The following PTPRT variants were observed in gnomAD, a reference collection of about 807,000 sequenced individuals.
The protein encoded by PTPRT is receptor-type tyrosine-protein phosphatase T.
PTPRT carries 56 observed loss-of-function variants against 176.8 expected under a neutral mutation model. The observed-to-expected ratio is 0.32, with a 90% confidence interval of 0.26 to 0.40. The LOEUF (loss-of-function observed/expected upper bound fraction) is 0.40. Among genes scored for constraint, PTPRT ranks in the 10% least tolerant of loss-of-function variants. PTPRT has a pLI of 1.00. For missense variants in PTPRT, 1,540 were observed against 1,908.2 expected, an observed-to-expected ratio of 0.81 and a Z score of 3.60; for synonymous variants, 783 against 739.0, an observed-to-expected ratio of 1.06 and a Z score of -0.96.
At chr20:42,680,461 C>G (rs2075583680) in intron 6 of PTPRT, among the ~76,000 whole-genome samples, 1 of 152,164 alleles carries the variant, frequency 6.6e-6, no homozygotes, top group South Asian at 2.1e-4. Flanking sequence ...CAGATAATTT[C>G]TAAGCTCATC....
intron 7 of PTPRT, among the ~76,000 whole-genome samples, chr20:42,523,859 G>A (rs1255536803): frequency 6.6e-6 from 1 of 151,974 alleles, no homozygotes; most frequent in Non-Finnish European, 1.5e-5. Context: ...AGTGACATGT[G>A]CCTACAGTTC....
At chr20:42,288,999 C>CAAAGATGAAA (rs1453738629) in intron 12 of PTPRT, among the ~76,000 whole-genome samples, 1 of 151,640 alleles carries the variant, frequency 6.6e-6, no homozygotes, top group Non-Finnish European at 1.5e-5. Flanking sequence ...TGATCTTCAA[C>CAAAGATGAAA]AAAGATGAAA....
At chr20:42,053,156 T>C in the PTPRT span, among the ~76,000 whole-genome samples, 2 of 152,184 alleles carry the variant, frequency 1.3e-5, no homozygotes, top group Non-Finnish European at 2.9e-5. Flanking sequence ...TTGGCTGTAA[T>C]TGTTTATTGA....
At chr20:42,316,795 C>A (rs2145380082) in intron 11 of PTPRT, among the ~76,000 whole-genome samples, 1 of 152,280 alleles carries the variant, frequency 6.6e-6, no homozygotes, top group South Asian at 2.1e-4. Context: ...TGCATCCTGG[C>A]CACCTCTGGT....
rs144807025 is a variant in PTPRT, at chr20:42,706,323, C to T, written c.860-28164G>A. Among the ~76,000 whole-genome samples the T allele has an allele frequency of 1.2e-4, 18 of 151,962 alleles. No individual in the cohort carries two copies. The East Asian group carries it at 3.1e-3, about 26-fold the overall frequency. On this transcript the variant is annotated intron_variant, in intron 6 of 30. Transcript: ENST00000373187. ...AATGCTGGACTTCCCACCATAGCTT[C>T]TGTTTGTTGTTAATCTCTGAATTGG...
At chr20:42,097,405 C>T (rs567540083) in intron 27 of PTPRT, among the ~76,000 whole-genome samples, 2 of 152,330 alleles carry the variant, frequency 1.3e-5, no homozygotes, top group South Asian at 2.1e-4. Flanking sequence ...AATGCCTTTT[C>T]CCAGTGAGTT....
chr20:42,104,851 A>G (rs946932402), intron 24 of PTPRT, 133 bp from the exon 25 acceptor site: 2 of 1,020,040 alleles, frequency 2.0e-6, no homozygotes, highest in Non-Finnish European at 2.7e-6. Flanking sequence ...CTTACTTTTT[A>G]TACTGTAACC....
In PTPRT at chr20:42,472,364, C is replaced by T. The variant is rs764219594; in HGVS notation, c.1352G>A (p.Gly451Asp). The T allele has an allele frequency of 3.1e-6, 5 of 1,614,198 alleles. No individual in the cohort carries two copies. Among genetic ancestry groups the T allele is most frequent in the Non-Finnish European group, 4.2e-6 (5 of 1,180,030 alleles). ...IQTSSHYTLR[G>D]LRPFMTIRLR... ...CCGGATGGTCATGAAGGGGCGCAGG[C>T]CTCGCAGGGTGTAGTGGGAGGAGGT... Residue 451 changes from glycine to aspartate, a missense_variant, in exon 8 of 31, where the codon GGC (glycine) becomes GAC (aspartate). Around this residue, in one of 11 missense-constraint regions of PTPRT, gnomAD observed 79 missense variants for 80.0 expected, o/e 0.99. Transcript: ENST00000373187.
At chr20:43,036,102 T>A (rs1986367496) in intron 1 of PTPRT, among the ~76,000 whole-genome samples, 1 of 152,234 alleles carries the variant, frequency 6.6e-6, no homozygotes, top group Non-Finnish European at 1.5e-5. Context: ...TCTTGAATGC[T>A]TCCTTCAGAG....
At position 42,539,539 on chromosome 20, in the gene PTPRT, C is replaced by G. The variant is rs191689936; in HGVS notation, c.1154-66977G>C. ...TTGTCTTAGTCTAGGTTTCACATTT[C>G]TCATCAGACACAGATACCTGGAGAA... On this transcript the variant is annotated intron_variant, in intron 7 of 30. Transcript: ENST00000373187. Among the ~76,000 whole-genome samples, 57 of 151,600 alleles carry G rather than the reference C, an allele frequency of 3.8e-4. No individual in the cohort carries two copies. The East Asian group carries it at 6.8e-3, about 18-fold the overall frequency.
At chr20:42,984,178 G>A (rs1294248528) in intron 1 of PTPRT, among the ~76,000 whole-genome samples, 1 of 152,230 alleles carries the variant, frequency 6.6e-6, no homozygotes, top group African/African-American at 2.4e-5. Context: ...GAATGCACAT[G>A]TATGTACAAA....
intron 1 of PTPRT, among the ~76,000 whole-genome samples, chr20:43,182,192 G>A (rs1327425432): frequency 6.6e-6 from 1 of 152,146 alleles, no homozygotes; most frequent in African/African-American, 2.4e-5. Flanking sequence ...GTGGTCTTGT[G>A]TCTGCTCCTA....
intron 1 of PTPRT, among the ~76,000 whole-genome samples, chr20:43,133,986 T>C (rs2013735978): frequency 6.6e-6 from 1 of 152,060 alleles, no homozygotes; most frequent in Admixed American, 6.6e-5. Flanking sequence ...AAAAGACTGA[T>C]GTTGAAATTT....
intron 1 of PTPRT, among the ~76,000 whole-genome samples, chr20:42,936,328 A>G (rs1400851274): frequency 6.6e-6 from 1 of 152,228 alleles, no homozygotes; most frequent in Non-Finnish European, 1.5e-5. Context: ...CTGGGGGAAG[A>G]GCATTTAGAC....
intron 7 of PTPRT, among the ~76,000 whole-genome samples, chr20:42,578,561 G>A (rs1442171440): frequency 6.6e-6 from 1 of 152,072 alleles, no homozygotes; most frequent in African/African-American, 2.4e-5. Flanking sequence ...CATCTCACTT[G>A]GCAGCAATCT....
intron 1 of PTPRT, among the ~76,000 whole-genome samples, chr20:43,131,456 T>C (rs1846007459): frequency 6.6e-6 from 1 of 152,248 alleles, no homozygotes; most frequent in Non-Finnish European, 1.5e-5. Flanking sequence ...GTAATAATGA[T>C]ATATTATTTC....
At chr20:42,772,367 T>A (rs1455496349) in intron 4 of PTPRT, among the ~76,000 whole-genome samples, 1 of 152,164 alleles carries the variant, frequency 6.6e-6, no homozygotes, top group African/African-American at 2.4e-5. Context: ...AGTCTTACTC[T>A]GTGATGGTGC....
chr20:43,065,906 A>G (rs1052096847), intron 1 of PTPRT, among the ~76,000 whole-genome samples: 1 of 152,140 alleles, frequency 6.6e-6, no homozygotes, highest in Non-Finnish European at 1.5e-5. Context: ...AGTTAAAGCA[A>G]TTTGCAAGTT....
At chr20:43,080,780 T>G (rs2011419407) in intron 1 of PTPRT, among the ~76,000 whole-genome samples, 2 of 152,210 alleles carry the variant, frequency 1.3e-5, no homozygotes, top group Non-Finnish European at 2.9e-5. Context: ...GATTCTCACA[T>G]TCTTTATTTT....
Sources: gnomAD v4.1 joint callset for allele counts (sites outside exome capture counted in the v4.1 genomes callset) on GRCh38, gnomAD v4.1.1 for gene constraint, gnomAD v4.1.1 regional missense constraint, MANE v1.5 for transcripts, NCBI Gene and HGNC (gene_info 2026-07-23, HGNC 2026-07-21) for gene names.